Variants in HHAT observed in about 807,000 individuals in gnomAD.
HHAT encodes the protein protein-cysteine N-palmitoyltransferase HHAT.
Under a neutral mutation model 70.8 loss-of-function variants are expected in HHAT, and 47 were observed. That is an observed-to-expected ratio of 0.66 (90% CI 0.53 to 0.85). HHAT has a LOEUF of 0.85. Ranked by LOEUF, HHAT falls within the 40% of genes least tolerant of loss-of-function variation. The probability of loss-of-function intolerance (pLI) is 0.00; values close to 1 mark genes in which losing one functional copy is unlikely to be tolerated. For synonymous variants in HHAT, 228 were observed against 247.6 expected (o/e 0.92, Z 0.74); for missense variants, 609 against 604.8 (o/e 1.01, Z -0.07).
intron 9 of HHAT, among the ~76,000 whole-genome samples, chr1:210,568,546 A>G (rs1655330519): frequency 6.6e-6 from 1 of 152,204 alleles, no homozygotes; most frequent in Non-Finnish European, 1.5e-5. Flanking sequence ...ACAAAAGCTG[A>G]GATTTATTGA....
At chr1:210,469,294 A>AG (rs1424021584) in intron 8 of HHAT, among the ~76,000 whole-genome samples, 1 of 152,080 alleles carries the variant, frequency 6.6e-6, no homozygotes, top group East Asian at 1.9e-4. Flanking sequence ...CTTATGTGAG[A>AG]GGAGGACTGA....
intron 9 of HHAT, among the ~76,000 whole-genome samples, chr1:210,566,596 G>A (rs1186126963): frequency 6.6e-6 from 1 of 152,148 alleles, no homozygotes; most frequent in Non-Finnish European, 1.5e-5. Context: ...CAGCATGGCA[G>A]AGAAGGGGAG....
At chr1:210,407,395 C>T (rs754952614) in intron 6 of HHAT, among the ~76,000 whole-genome samples, 23 of 152,242 alleles carry the variant, frequency 1.5e-4, no homozygotes, top group Non-Finnish European at 3.1e-4. Context: ...AATGACGCTG[C>T]ACCACCAGGG....
At chr1:210,538,608 A>C (rs2095398246) in intron 9 of HHAT, among the ~76,000 whole-genome samples, 1 of 152,222 alleles carries the variant, frequency 6.6e-6, no homozygotes, top group Non-Finnish European at 1.5e-5. Context: ...TGAGGAAGAC[A>C]GTCTTGAGAT....
Position 210,674,443 on chromosome 1 carries a change from C to A in HHAT, c.*64C>A. On this transcript the variant is annotated 3_prime_UTR_variant, in exon 12 of 12. Transcript: ENST00000261458. Reference sequence around the variant, plus strand: ...AAGGCAAATAGTGCTTCACCCTGACCTCTCACTCCAGGACAGCCTCTAAGG... The same window carrying A: ...AAGGCAAATAGTGCTTCACCCTGACATCTCACTCCAGGACAGCCTCTAAGG... 7.7e-7 allele frequency: 1 copy of A among 1,298,512 alleles called. No individual in the cohort carries two copies. Among genetic ancestry groups the A allele is most frequent in the Non-Finnish European group, 1.1e-6 (1 of 899,450 alleles). The allele number at this position is 1,298,512 out of a possible 1,614,324, so 80.4% of individuals were successfully genotyped here.
chr1:210,579,011 CAT>C (rs1163440962), intron 9 of HHAT, among the ~76,000 whole-genome samples: 2 of 152,292 alleles, frequency 1.3e-5, no homozygotes, highest in East Asian at 3.9e-4. Context: ...TTTGCAAGAA[CAT>C]GGATGGAGCT....
chr1:210,566,732 A>G (rs1007392074), intron 9 of HHAT, among the ~76,000 whole-genome samples: 3 of 152,030 alleles, frequency 2.0e-5, no homozygotes, highest in African/African-American at 4.8e-5. Context: ...CCAGCTCCCT[A>G]TCCATCCCAC....
At chr1:210,527,907 A>T (rs1351973877) in intron 9 of HHAT, among the ~76,000 whole-genome samples, 1 of 152,218 alleles carries the variant, frequency 6.6e-6, no homozygotes, top group Non-Finnish European at 1.5e-5. Flanking sequence ...TGAAACTCTG[A>T]GTTATGTCAA....
intron 7 of HHAT, among the ~76,000 whole-genome samples, chr1:210,461,622 G>T (rs966731413): frequency 2.6e-5 from 4 of 152,056 alleles, no homozygotes; most frequent in African/African-American, 9.7e-5. Context: ...TTTTTCAAAG[G>T]GATAATGAAA....
At chr1:210,452,502 T>G (rs760687160) in intron 7 of HHAT, among the ~76,000 whole-genome samples, 2 of 152,246 alleles carry the variant, frequency 1.3e-5, no homozygotes, top group Non-Finnish European at 2.9e-5. Context: ...CTGTACTCTC[T>G]CCCGTATTGT....
intron 11 of HHAT, among the ~76,000 whole-genome samples, chr1:210,623,961 A>G (rs1669369899): frequency 6.6e-6 from 1 of 152,090 alleles, no homozygotes; most frequent in African/African-American, 2.4e-5. Context: ...TATGTTTCCA[A>G]TTATTTGATA....
At chr1:210,492,491 A>G (rs955356330) in intron 8 of HHAT, among the ~76,000 whole-genome samples, 5 of 152,208 alleles carry the variant, frequency 3.3e-5, no homozygotes, top group African/African-American at 1.2e-4. Context: ...TTTGAGAGAT[A>G]CTACCAAAGT....
intron 11 of HHAT, 149 bp from the exon 12 acceptor site, chr1:210,674,139 A>G (rs1486740905): frequency 1.2e-5 from 8 of 646,662 alleles, no homozygotes; most frequent in Non-Finnish European, 2.2e-5. Flanking sequence ...TGTAGGACTC[A>G]ATTGCTGAAG....
intron 11 of HHAT, among the ~76,000 whole-genome samples, chr1:210,649,866 T>G (rs1052958076): frequency 6.6e-6 from 1 of 152,226 alleles, no homozygotes; most frequent in Admixed American, 6.5e-5. Flanking sequence ...AAGGCACTTA[T>G]GCAAGGAGAG....
At chr1:210,670,572 C>T (rs1354561980) in intron 11 of HHAT, among the ~76,000 whole-genome samples, 3 of 152,102 alleles carry the variant, frequency 2.0e-5, no homozygotes, top group Non-Finnish European at 4.4e-5. Flanking sequence ...TCACGTGGAC[C>T]TGGTACCTCA....
intron 7 of HHAT, among the ~76,000 whole-genome samples, chr1:210,424,468 G>A (rs1476028396): frequency 6.8e-6 from 1 of 147,456 alleles, no homozygotes; most frequent in African/African-American, 2.5e-5. Flanking sequence ...TCAGGGGTAC[G>A]TGTGCAAGTT....
intron 9 of HHAT, among the ~76,000 whole-genome samples, chr1:210,554,265 A>G (rs2095553424): frequency 6.6e-6 from 1 of 152,162 alleles, no homozygotes; most frequent in Non-Finnish European, 1.5e-5. Context: ...CTAGGGGTTC[A>G]AAAATATTTG....
At chr1:210,386,754 G>A (rs954833344) in intron 3 of HHAT, among the ~76,000 whole-genome samples, 3 of 152,076 alleles carry the variant, frequency 2.0e-5, no homozygotes, top group East Asian at 1.9e-4. Flanking sequence ...GTTCCTAAGC[G>A]TCCACATGTC....
chr1:210,607,044 G>C lies in HHAT; in HGVS notation c.1246-16482G>C, dbSNP rs117291462. Among the ~76,000 whole-genome samples, 33 of 152,266 alleles carry C rather than the reference G, an allele frequency of 2.2e-4. No individual in the cohort carries two copies. In the East Asian group the frequency reaches 6.4e-3, roughly 29 times the overall value. ...AACTTTTATCCTGGGGGTGAAGAAG[G>C]AAGAGGGAAACCTCGTGCTCTATAT... is the stretch of plus-strand genomic sequence containing the variant. On this transcript the variant is annotated intron_variant, in intron 10 of 11. Coordinates refer to ENST00000261458, the MANE Select transcript of HHAT (RefSeq NM_018194.6).
Sources: gnomAD v4.1 joint callset for allele counts (sites outside exome capture counted in the v4.1 genomes callset) on GRCh38, gnomAD v4.1.1 for gene constraint, MANE v1.5 for transcripts, NCBI Gene and HGNC (gene_info 2026-07-23, HGNC 2026-07-21) for gene names.